ZC3H7B: variants seen among roughly 807,000 people sequenced by gnomAD.
ZC3H7B encodes the protein zinc finger CCCH domain-containing protein 7B.
ZC3H7B carries 35 observed loss-of-function variants against 116.0 expected under a neutral mutation model. That is an observed-to-expected ratio of 0.30 (90% CI 0.23 to 0.40). The LOEUF (loss-of-function observed/expected upper bound fraction) is 0.40. Among genes scored for constraint, ZC3H7B ranks in the 10% least tolerant of loss-of-function variants. The pLI is 1.00. For missense variants in ZC3H7B, 1,011 were observed against 1,321.5 expected (o/e 0.77, Z 3.64); for synonymous variants, 502 against 545.6 (o/e 0.92, Z 1.11).
chr22:41,329,999 C>T lies in ZC3H7B; in HGVS notation c.445-24C>T, dbSNP rs200112018. The T allele has an allele frequency of 8.9e-5, 143 of 1,612,636 alleles. 1 individual carries two copies. The South Asian group carries it at 1.3e-3, about 15-fold the overall frequency. On this transcript the variant is annotated intron_variant, in intron 5 of 22. Transcript: ENST00000352645. ...TGTGAGCCCGGGCAGACTGACCCAC[C>T]GCCCTGTGTCTTGTCCTCTGCAGGA...
At chr22:41,328,168 C>T (rs2036340823) in intron 5 of ZC3H7B, among the ~76,000 whole-genome samples, 2 of 151,950 alleles carry the variant, frequency 1.3e-5, no homozygotes, top group Non-Finnish European at 2.9e-5. Context: ...CCATGGTCCC[C>T]TGACCCATAT....
intron 7 of ZC3H7B, chr22:41,336,305 A>G (rs1263530662): frequency 1.3e-5 from 2 of 152,264 alleles, no homozygotes; most frequent in Admixed American, 6.5e-5. Context: ...AGGCGGGTGG[A>G]TCATTTGAAG....
At chr22:41,305,293 C>T (rs556552431) in intron 1 of ZC3H7B, among the ~76,000 whole-genome samples, 18 of 150,750 alleles carry the variant, frequency 1.2e-4, no homozygotes, top group South Asian at 4.2e-4. Flanking sequence ...TGCAGTGAGC[C>T]GAGCGCTCCA....
At chr22:41,335,836 G>C (rs963536825) in intron 7 of ZC3H7B, 1 of 152,752 alleles carries the variant, frequency 6.5e-6, no homozygotes, top group Non-Finnish European at 1.5e-5. Flanking sequence ...GTGCATAGCA[G>C]CTTTCTGGGC....
chr22:41,341,173 C>G (rs768761638), intron 11 of ZC3H7B, 27 bp downstream of exon 11: 1 of 1,613,266 alleles, frequency 6.2e-7, no homozygotes, highest in Admixed American at 1.7e-5. Context: ...GGGATCCAGG[C>G]CTCTCATTCC....
intron 16 of ZC3H7B, among the ~76,000 whole-genome samples, chr22:41,350,543 G>A (rs551996850): frequency 1.9e-4 from 29 of 152,114 alleles, no homozygotes; most frequent in Non-Finnish European, 3.8e-4. Flanking sequence ...TTTGAGGGTG[G>A]AGCCAACAAG....
Position 41,343,446 on chromosome 22 carries a change from G to A in ZC3H7B, c.1329G>A (p.Glu443=). The change falls in exon 13 of 23, where the codon GAG becomes GAA. Residue 443 remains glutamate (E), a synonymous_variant. Coordinates refer to ENST00000352645, the MANE Select transcript of ZC3H7B (RefSeq NM_017590.6). ...GPRAGDYTYR[E]GLEHKCKRDI... Reference sequence around the variant, plus strand: ...GGGCTGGCGACTACACCTACCGTGAGGGCCTTGAGCACAAGTGCAAGCGGG... The same window carrying A: ...GGGCTGGCGACTACACCTACCGTGAAGGCCTTGAGCACAAGTGCAAGCGGG... 6.2e-7 allele frequency: 1 copy of A among 1,613,574 alleles called. No individual in the cohort carries two copies. Among genetic ancestry groups the A allele is most frequent in the Non-Finnish European group, 8.5e-7 (1 of 1,179,656 alleles).
chr22:41,325,678 G>T (rs1379534296), intron 3 of ZC3H7B, 43 bp from the exon 4 acceptor site: 1 of 1,608,400 alleles, frequency 6.2e-7, no homozygotes. Flanking sequence ...GCCAGAGCTG[G>T]GGCCAGAGGT....
In ZC3H7B at chr22:41,325,548, TTTC is replaced by T. The variant is rs1298590713; in HGVS notation, c.54-13_54-11del. The T allele has an allele frequency of 1.2e-6, 2 of 1,608,130 alleles. No individual in the cohort carries two copies. The highest frequency in any genetic ancestry group is 2.2e-5 in the South Asian group (2 of 89,842). ...CGCCGGGCTCACCCAGGCCTCGTGT[TTTC>T]TTTTCCTGATAGGTCGACACTACCC... On this transcript the variant is annotated splice_polypyrimidine_tract_variant and intron_variant, in intron 2 of 22. Transcript: ENST00000352645.
At chr22:41,316,633 CTG>C (rs1267953223) in intron 1 of ZC3H7B, among the ~76,000 whole-genome samples, 13 of 130,144 alleles carry the variant, frequency 1.0e-4, no homozygotes, top group African/African-American at 3.7e-4. Flanking sequence ...GGGTCTCACT[CTG>C]TTGCCCAAGC....
chr22:41,305,996 A>T (rs893111588), intron 1 of ZC3H7B, among the ~76,000 whole-genome samples: 1 of 152,218 alleles, frequency 6.6e-6, no homozygotes, highest in Admixed American at 6.5e-5. Context: ...CCATTTGAAC[A>T]TCTGAAAGAT....
chr22:41,323,082 G>T (rs564253254), intron 2 of ZC3H7B, among the ~76,000 whole-genome samples: 2 of 152,170 alleles, frequency 1.3e-5, no homozygotes, highest in Non-Finnish European at 2.9e-5. Context: ...TTTCCTGGCC[G>T]CTTCTGGAGG....
rs1175535247 is a variant in ZC3H7B, at chr22:41,357,253, C to T, written c.2758C>T (p.Leu920=). 1 of 1,613,672 alleles carries T rather than the reference C, an allele frequency of 6.2e-7. No homozygotes were observed. Among genetic ancestry groups the T allele is most frequent in the African/African-American group, 1.3e-5 (1 of 74,922 alleles). The change falls in exon 23 of 23, where the codon CTG becomes TTG. Residue 920 remains leucine (L), a synonymous_variant. Coordinates refer to ENST00000352645, the MANE Select transcript of ZC3H7B (RefSeq NM_017590.6). This position sits in a 1 kb window ranked among gnomAD's most constrained non-coding sequence, Gnocchi z 5.4. ...AHGQEELNEW[L]DRREVLKQKL... The stretch of plus-strand genomic sequence containing the variant: ...TGGACAGGAGGAGCTCAACGAGTGG[C>T]TGGACCGGCGCGAGGTGCTGAAGCA...
intron 1 of ZC3H7B, among the ~76,000 whole-genome samples, chr22:41,306,111 T>G (rs2036037711): frequency 6.6e-6 from 1 of 152,184 alleles, no homozygotes; most frequent in Admixed American, 6.6e-5. Context: ...CACAGTCTAG[T>G]GGGCAGATAC....
At position 41,317,127 on chromosome 22, in the gene ZC3H7B, C is replaced by T. The variant is rs183117623; in HGVS notation, c.-6-3528C>T. On this transcript the variant is annotated intron_variant, in intron 1 of 22. Coordinates refer to ENST00000352645, the MANE Select transcript of ZC3H7B (RefSeq NM_017590.6). Reference sequence around the variant, plus strand: ...TGCTGGGATTACAGGCGTGAGCCACCGTGCCTGGCCCCCAGCTAATTTTTA... The same window carrying T: ...TGCTGGGATTACAGGCGTGAGCCACTGTGCCTGGCCCCCAGCTAATTTTTA... 3.0e-3 allele frequency among the ~76,000 whole-genome samples: 454 copies of T among 152,138 alleles called. 2 individuals carry two copies. Among genetic ancestry groups the T allele is most frequent in the African/African-American group, 0.01 (429 of 41,518 alleles).
chr22:41,309,462 C>T (rs2036090577), intron 1 of ZC3H7B, among the ~76,000 whole-genome samples: 1 of 151,798 alleles, frequency 6.6e-6, no homozygotes, highest in African/African-American at 2.4e-5. Flanking sequence ...TACAGGTGCC[C>T]ACCACTAGGC....
At chr22:41,322,438 G>A (rs868173483) in intron 2 of ZC3H7B, among the ~76,000 whole-genome samples, 2 of 151,904 alleles carry the variant, frequency 1.3e-5, no homozygotes, top group Admixed American at 6.6e-5. Flanking sequence ...TGCCCTCCTC[G>A]GCCTCCCAAA....
chr22:41,325,638 A>C (rs1245997607), intron 3 of ZC3H7B, 41 bp downstream of exon 3: 2 of 1,610,120 alleles, frequency 1.2e-6, no homozygotes, highest in Non-Finnish European at 1.7e-6. Context: ...TGAAGGGCGG[A>C]GATGTGCAGG....
chr22:41,344,455 C>A (rs1051646169), intron 13 of ZC3H7B, among the ~76,000 whole-genome samples: 1 of 152,210 alleles, frequency 6.6e-6, no homozygotes, highest in Non-Finnish European at 1.5e-5. Flanking sequence ...CTGCCCTAAC[C>A]ATTCCCCAAA....
Sources: allele counts gnomAD v4.1 joint callset (sites outside exome capture counted in the v4.1 genomes callset), GRCh38; gene constraint gnomAD v4.1.1; non-coding constraint Gnocchi (gnomAD v3.1); transcripts MANE v1.5; gene names NCBI Gene and HGNC (gene_info 2026-07-23, HGNC 2026-07-21).